GIMAP8: variants seen among roughly 807,000 people sequenced by gnomAD.
The protein encoded by GIMAP8 is GTPase, IMAP family member 8.
Under a neutral mutation model 35.6 loss-of-function variants are expected in GIMAP8, and 29 were observed. The observed-to-expected ratio is 0.81, with a 90% CI of 0.61 to 1.11. The LOEUF (loss-of-function observed/expected upper bound fraction) is 1.11. GIMAP8 is among the 50% of genes most tolerant of loss of function. GIMAP8 has a pLI of 0.00. For synonymous variants in GIMAP8, 335 were observed against 308.7 expected (o/e 1.09, Z -0.89); for missense variants, 811 against 805.0 (o/e 1.01, Z -0.09).
rs1801591747 is a variant in GIMAP8 at position 150,450,960 on chromosome 7, T to G, written c.-244T>G. On this transcript the variant is annotated 5_prime_UTR_variant, in exon 1 of 5. Transcript: ENST00000307271. This position sits in a 1 kb window ranked among gnomAD's most constrained non-coding sequence, Gnocchi z 4.4. ...GACGGCTCTCGAGGTTCTGAGCCTGTGGCCTGCACAGGGAACTTCCTCTCC... is the reference window on the plus strand; with the variant it reads ...GACGGCTCTCGAGGTTCTGAGCCTGGGGCCTGCACAGGGAACTTCCTCTCC... 1 of 152,342 alleles carries G rather than the reference T, an allele frequency of 6.6e-6. No homozygotes were observed. The highest frequency in any genetic ancestry group is 2.4e-5 in the African/African-American group (1 of 41,466). The allele number at this position is 152,342 out of a possible 1,614,324, so 9.4% of individuals were successfully genotyped here. A position where few individuals can be genotyped will look rare whatever the true frequency, so the allele number is the denominator to read the frequency against.
chr7:150,469,603 G>C (rs73155823), intron 2 of GIMAP8, among the ~76,000 whole-genome samples: 42,801 of 151,888 alleles, frequency 0.28, 6,581 homozygotes, highest in East Asian at 0.41. Flanking sequence ...CTGTTATTAT[G>C]ATGATGATGA....
chr7:150,460,456 G>C (rs1318894515), intron 1 of GIMAP8, among the ~76,000 whole-genome samples: 1 of 152,100 alleles, frequency 6.6e-6, no homozygotes, highest in African/African-American at 2.4e-5. Flanking sequence ...CCTATGAATT[G>C]GTATATAATT....
Position 150,466,932 on chromosome 7 carries a change from CA to C in GIMAP8, c.236del (p.Lys79SerfsTer22). The C allele has an allele frequency of 1.9e-6, 3 of 1,614,212 alleles. No individual in the cohort carries two copies. The highest frequency in any genetic ancestry group is 2.5e-6 in the Non-Finnish European group (3 of 1,180,024). Reference protein sequence around the residue: ...LFSSIACAEDKQRNIQHCLEL... With the variant: ...LFSSIACAEDXQRNIQHCLEL... Reference sequence around the variant, plus strand: ...TCTCCTCAATAGCTTGTGCTGAAGACAAGCAACGCAACATCCAACACTGCTT... The same window carrying C: ...TCTCCTCAATAGCTTGTGCTGAAGACAGCAACGCAACATCCAACACTGCTT... On this transcript the variant is annotated frameshift_variant, in exon 2 of 5. Transcript: ENST00000307271. LOFTEE classifies it high-confidence loss of function.
intron 2 of GIMAP8, among the ~76,000 whole-genome samples, chr7:150,467,551 A>G (rs1424863263): frequency 6.6e-6 from 1 of 152,236 alleles, no homozygotes; most frequent in Non-Finnish European, 1.5e-5. Context: ...ATTAATGGAC[A>G]AATTTAAGCC....
At chr7:150,463,471 A>G (rs1310760903) in intron 1 of GIMAP8, among the ~76,000 whole-genome samples, 3 of 152,038 alleles carry the variant, frequency 2.0e-5, no homozygotes, top group Non-Finnish European at 2.9e-5. Context: ...GCTTCTTTCA[A>G]TTTTATGCAT....
Position 150,466,654 on chromosome 7 carries a change from GT to G in GIMAP8, c.-28-13del. Reference sequence around the variant, plus strand: ...TGTGGGAGTTGAACATTAATGTGTTGTTTTCTGTCCCAACAGAACAAGCGGG... The same window carrying G: ...TGTGGGAGTTGAACATTAATGTGTTGTTTCTGTCCCAACAGAACAAGCGGG... On this transcript the variant is annotated splice_polypyrimidine_tract_variant and intron_variant, in intron 1 of 4. Coordinates refer to ENST00000307271, the MANE Select transcript of GIMAP8 (RefSeq NM_175571.4). 1 of 1,591,052 alleles carries G rather than the reference GT, an allele frequency of 6.3e-7. No homozygotes were observed. Among genetic ancestry groups the G allele is most frequent in the Non-Finnish European group, 8.6e-7 (1 of 1,167,204 alleles).
At chr7:150,462,676 C>T (rs1317979445) in intron 1 of GIMAP8, among the ~76,000 whole-genome samples, 1 of 152,170 alleles carries the variant, frequency 6.6e-6, no homozygotes, top group African/African-American at 2.4e-5. Flanking sequence ...TCTCTCCTGA[C>T]CTGCAAGGTT....
rs1802306559 is a variant in GIMAP8 at position 150,478,960 on chromosome 7, C to T, written c.*1180C>T. 1 of 152,214 alleles carries T rather than the reference C, an allele frequency of 6.6e-6. No homozygotes were observed. The highest frequency in any genetic ancestry group is 1.5e-5 in the Non-Finnish European group (1 of 68,038). The allele number at this position is 152,214 out of a possible 1,614,324, so 9.4% of individuals were successfully genotyped here. A position where few individuals can be genotyped will look rare whatever the true frequency, so the allele number is the denominator to read the frequency against. ...AGGGTAAAATGTTGAGCACTTTGTACATGCTTTGAGAGCATAATCTTTGTC... is the reference window on the plus strand; with the variant it reads ...AGGGTAAAATGTTGAGCACTTTGTATATGCTTTGAGAGCATAATCTTTGTC... On this transcript the variant is annotated 3_prime_UTR_variant, in exon 5 of 5. Transcript: ENST00000307271.
chr7:150,474,613 C>T lies in GIMAP8; in HGVS notation c.1284C>T (p.Asn428=), dbSNP rs1162755577. The part of the protein sequence containing the change: ...KIESMVHQNG[N]KHCVFREKET... ...AGAGCATGGTGCATCAGAATGGGAA[C>T]AAGCATTGTGTTTTCAGAGAAAAAG... is the stretch of plus-strand genomic sequence containing the variant. Residue 428 remains asparagine (N), a synonymous_variant, in exon 4 of 5, where the codon AAC becomes AAT. Transcript: ENST00000307271. 1 of 1,601,822 alleles carries T rather than the reference C, an allele frequency of 6.2e-7. No individual in the cohort carries two copies.
At chr7:150,452,675 G>GATAGATATATAT (rs1379119203) in intron 1 of GIMAP8, among the ~76,000 whole-genome samples, 2 of 79,672 alleles carry the variant, frequency 2.5e-5, no homozygotes, top group African/African-American at 1.1e-4. Flanking sequence ...GTGTGTGTGA[G>GATAGATATATAT]ATATATATAT....
chr7:150,468,331 CA>C (rs1802018404), intron 2 of GIMAP8, among the ~76,000 whole-genome samples: 1 of 152,102 alleles, frequency 6.6e-6, no homozygotes, highest in Admixed American at 6.5e-5. Context: ...AAGGAAGATA[CA>C]AAAATGCAGT....
chr7:150,468,119 A>G (rs1276345275), intron 2 of GIMAP8, among the ~76,000 whole-genome samples: 1 of 152,138 alleles, frequency 6.6e-6, no homozygotes. Context: ...CGGGATCAAT[A>G]TACCCAGAAT....
Position 150,467,287 on chromosome 7 carries a change from G to A in GIMAP8, c.589G>A (p.Gly197Arg), listed in dbSNP as rs147231393. ...GGTTGAGTCTTTGGTGAATACGAAC[G>A]GAGGACCCTATCATGTGAACTTCAA... is the stretch of plus-strand genomic sequence containing the variant. Reference protein sequence around the residue: ...RKVESLVNTNGGPYHVNFKTE... With the variant: ...RKVESLVNTNRGPYHVNFKTE... Residue 197 changes from glycine to arginine, a missense_variant, in exon 2 of 5, where the codon GGA becomes AGA. Physicochemically the swap from Gly to Arg is moderately radical, Grantham distance 125. Transcript: ENST00000307271. 26 of 1,613,998 alleles carry A rather than the reference G, an allele frequency of 1.6e-5. No individual in the cohort carries two copies. The highest frequency in any genetic ancestry group is 5.0e-5 in the Admixed American group (3 of 60,000).
intron 1 of GIMAP8, among the ~76,000 whole-genome samples, chr7:150,452,260 TGAAGTGCTACTGGCTGG>T (rs1255092988): frequency 6.6e-6 from 1 of 151,796 alleles, no homozygotes; most frequent in African/African-American, 2.4e-5. Context: ...CATGTTGGGG[TGAAGTGCTACTGGCTGG>T]GAAGCTGTAT....
chr7:150,466,813 A>G lies in GIMAP8; in HGVS notation c.115A>G (p.Lys39Glu). ...TCTGGGCAAACATGTGTTCAAGTCC[A>G]AGTTCAGTGATCAGACAGTGATCAA... ...AILGKHVFKS[K>E]FSDQTVIKMC... The change falls in exon 2 of 5, where the codon AAG (lysine) becomes GAG (glutamate). Residue 39 changes from lysine (K) to glutamate (E), a missense_variant. Lys to Glu is a moderately conservative substitution (Grantham distance 56). Coordinates refer to ENST00000307271, the MANE Select transcript of GIMAP8 (RefSeq NM_175571.4). 6.2e-7 allele frequency: 1 copy of G among 1,614,266 alleles called. No individual in the cohort carries two copies. The highest frequency in any genetic ancestry group is 8.5e-7 in the Non-Finnish European group (1 of 1,180,046).
rs765752735 is a variant in GIMAP8 at position 150,477,746 on chromosome 7, A to C, written c.1964A>C (p.Lys655Thr). 1.2e-6 allele frequency: 2 copies of C among 1,613,204 alleles called. No homozygotes were observed. The highest frequency in any genetic ancestry group is 1.7e-5 in the Admixed American group (1 of 59,788). ...KNVQEMSQAE[K>T]LLKNLIGILQ Reference sequence around the variant, plus strand: ...GTCCAGGAAATGTCCCAAGCCGAAAAACTCCTTAAAAATTTAATAGGTATT... The same window carrying C: ...GTCCAGGAAATGTCCCAAGCCGAAACACTCCTTAAAAATTTAATAGGTATT... The change falls in exon 5 of 5, where the codon AAA becomes ACA. Residue 655 changes from lysine (K) to threonine (T), a missense_variant. Transcript: ENST00000307271.
chr7:150,462,655 T>C (rs1476761805), intron 1 of GIMAP8, among the ~76,000 whole-genome samples: 1 of 152,238 alleles, frequency 6.6e-6, no homozygotes. Flanking sequence ...ACTTTGAATA[T>C]ATCATCCCAT....
At chr7:150,468,589 A>G (rs541170696) in intron 2 of GIMAP8, among the ~76,000 whole-genome samples, 5 of 152,380 alleles carry the variant, frequency 3.3e-5, no homozygotes, top group African/African-American at 1.2e-4. Context: ...ACAGATGTAC[A>G]GAATGCATTA....
intron 1 of GIMAP8, among the ~76,000 whole-genome samples, chr7:150,462,722 T>G (rs1801866737): frequency 1.3e-5 from 2 of 152,250 alleles, no homozygotes; most frequent in Non-Finnish European, 2.9e-5. Flanking sequence ...CTGATGGAGA[T>G]TCCTTTATAT....
Sources: allele counts gnomAD v4.1 joint callset (sites outside exome capture counted in the v4.1 genomes callset), GRCh38; gene constraint gnomAD v4.1.1; non-coding constraint Gnocchi (gnomAD v3.1); transcripts MANE v1.5; gene names NCBI Gene and HGNC (gene_info 2026-07-23, HGNC 2026-07-21).